The following SLC25A21 variants were observed in gnomAD, a reference collection of about 807,000 sequenced individuals.
The protein encoded by SLC25A21 is solute carrier family 25 member 21, also known as mitochondrial 2-oxodicarboxylate carrier.
In SLC25A21, 47 loss-of-function variants were observed where a neutral mutation model predicts 43.8. The ratio of observed to expected loss-of-function variants is 1.07; its 90% confidence interval spans 0.85 to 1.37. SLC25A21 has a LOEUF of 1.37. Ranked by LOEUF, SLC25A21 falls within the 40% of genes most tolerant of loss-of-function variation. The pLI is 0.00. For missense variants in SLC25A21, 352 were observed against 350.2 expected (o/e 1.00, Z -0.04); for synonymous variants, 131 against 121.3 (o/e 1.08, Z -0.52).
intron 2 of SLC25A21, among the ~76,000 whole-genome samples, chr14:36,855,774 G>C (rs1402467729): frequency 6.6e-6 from 1 of 152,148 alleles, no homozygotes; most frequent in Non-Finnish European, 1.5e-5. Context: ...ATCATATTCT[G>C]ATGCCTCACT....
chr14:36,731,044 C>T, intron 4 of SLC25A21, among the ~76,000 whole-genome samples: 1 of 150,972 alleles, frequency 6.6e-6, no homozygotes, highest in East Asian at 2.0e-4. Flanking sequence ...GCGATCTCGG[C>T]TCACTGCAAG....
intron 1 of SLC25A21, among the ~76,000 whole-genome samples, chr14:37,064,726 G>GTAC (rs1279703011): frequency 6.6e-6 from 1 of 152,112 alleles, no homozygotes; most frequent in African/African-American, 2.4e-5. Context: ...TTGGTTTACT[G>GTAC]TACTGCTCAT....
chr14:37,157,672 C>A (rs111911429), intron 1 of SLC25A21, among the ~76,000 whole-genome samples: 6 of 151,964 alleles, frequency 3.9e-5, no homozygotes, highest in African/African-American at 7.2e-5. Flanking sequence ...TAACAATGCA[C>A]CTCAAGGAAC....
intron 1 of SLC25A21, among the ~76,000 whole-genome samples, chr14:37,114,954 A>T (rs1004227248): frequency 2.0e-5 from 3 of 152,198 alleles, no homozygotes; most frequent in Non-Finnish European, 2.9e-5. Flanking sequence ...CTAGACACAG[A>T]TTTAGCATTT....
intron 1 of SLC25A21, among the ~76,000 whole-genome samples, chr14:37,145,489 TAA>T (rs1277795683): frequency 7.8e-6 from 1 of 128,920 alleles, no homozygotes; most frequent in African/African-American, 3.0e-5. Context: ...AGAGATGAGC[TAA>T]ATAACTCTTT....
At chr14:37,078,667 G>T (rs1322403990) in intron 1 of SLC25A21, among the ~76,000 whole-genome samples, 1 of 152,128 alleles carries the variant, frequency 6.6e-6, no homozygotes, top group East Asian at 1.9e-4. Context: ...ATCTCCAAAG[G>T]ATTTGAAAAA....
intron 1 of SLC25A21, among the ~76,000 whole-genome samples, chr14:37,169,935 G>C (rs1289357242): frequency 6.6e-6 from 1 of 151,764 alleles, no homozygotes; most frequent in Non-Finnish European, 1.5e-5. Flanking sequence ...ATCCTAATTT[G>C]CATTTATATT....
chr14:37,080,767 G>T (rs1287381601), intron 1 of SLC25A21, among the ~76,000 whole-genome samples: 2 of 152,058 alleles, frequency 1.3e-5, no homozygotes, highest in Non-Finnish European at 2.9e-5. Flanking sequence ...CAACACAGAG[G>T]CAATATGAGA....
chr14:37,020,404 C>T (rs1444066657), intron 1 of SLC25A21, among the ~76,000 whole-genome samples: 2 of 150,244 alleles, frequency 1.3e-5, no homozygotes, highest in Admixed American at 6.6e-5. Context: ...AGAGATTCAC[C>T]TAATCATCTC....
In SLC25A21 at chr14:36,876,102, T is replaced by C. The variant is rs529156453; in HGVS notation, c.71-1098A>G. ...TTCGCCCAAAGGCCATACAACAGTATTTGTGAGTAGTTTCTTATAGGCAGA... is the reference window on the plus strand; with the variant it reads ...TTCGCCCAAAGGCCATACAACAGTACTTGTGAGTAGTTTCTTATAGGCAGA... On this transcript the variant is annotated intron_variant, in intron 1 of 9. Transcript: ENST00000331299. 7.2e-5 allele frequency among the ~76,000 whole-genome samples: 11 copies of C among 152,312 alleles called. No individual in the cohort carries two copies. The East Asian group carries it at 1.2e-3, about 16-fold the overall frequency.
At chr14:37,161,199 AAAG>A (rs1963935172) in intron 1 of SLC25A21, among the ~76,000 whole-genome samples, 1 of 152,328 alleles carries the variant, frequency 6.6e-6, no homozygotes, top group East Asian at 1.9e-4. Context: ...GACCAGATAA[AAAG>A]AAGAGGGTAA....
intron 2 of SLC25A21, among the ~76,000 whole-genome samples, chr14:36,834,012 A>G (rs1458908018): frequency 6.6e-6 from 1 of 152,202 alleles, no homozygotes; most frequent in East Asian, 1.9e-4. Flanking sequence ...ATTCTAGCGT[A>G]CACCTATCCC....
chr14:36,757,911 A>G (rs777968356), intron 3 of SLC25A21, among the ~76,000 whole-genome samples: 1 of 152,250 alleles, frequency 6.6e-6, no homozygotes, highest in East Asian at 1.9e-4. Flanking sequence ...AATGACCAGA[A>G]CAAGCATTTG....
intron 1 of SLC25A21, among the ~76,000 whole-genome samples, chr14:37,112,189 C>T (rs1331112496): frequency 1.3e-5 from 2 of 152,054 alleles, no homozygotes; most frequent in Admixed American, 1.3e-4. Flanking sequence ...TAGGGCAATA[C>T]ATTCCATAGA....
At chr14:36,826,579 T>G (rs1888840022) in intron 2 of SLC25A21, among the ~76,000 whole-genome samples, 1 of 152,208 alleles carries the variant, frequency 6.6e-6, no homozygotes, top group South Asian at 2.1e-4. Context: ...CTAGCTTGAT[T>G]ATGGCTCTTC....
intron 1 of SLC25A21, among the ~76,000 whole-genome samples, chr14:36,937,537 CT>C (rs1370901848): frequency 6.6e-6 from 1 of 152,152 alleles, no homozygotes; most frequent in East Asian, 1.9e-4. Flanking sequence ...CTGAGCCTTT[CT>C]TTTTCAAAAC....
At chr14:36,746,466 G>A (rs1028059294) in intron 3 of SLC25A21, among the ~76,000 whole-genome samples, 8 of 152,204 alleles carry the variant, frequency 5.3e-5, no homozygotes, top group Admixed American at 5.2e-4. Flanking sequence ...GGATGGGAGA[G>A]GGGTGAGGAA....
chr14:36,954,050 T>C (rs1959260515), intron 1 of SLC25A21, among the ~76,000 whole-genome samples: 1 of 152,204 alleles, frequency 6.6e-6, no homozygotes, highest in Non-Finnish European at 1.5e-5. Flanking sequence ...CATGATTCTG[T>C]AGAACCAGAC....
intron 1 of SLC25A21, among the ~76,000 whole-genome samples, chr14:36,993,928 C>G (rs10132205): frequency 0.28 from 42,020 of 151,952 alleles, 6,530 homozygotes; most frequent in African/African-American, 0.42. Context: ...AAAAGGAAAA[C>G]ATTCCCTTTA....
Sources: gnomAD v4.1 joint callset for allele counts (sites outside exome capture counted in the v4.1 genomes callset) on GRCh38, gnomAD v4.1.1 for gene constraint, MANE v1.5 for transcripts, NCBI Gene and HGNC (gene_info 2026-07-23, HGNC 2026-07-21) for gene names.